PTK2: variants seen among roughly 807,000 people sequenced by gnomAD.
The protein encoded by PTK2 is focal adhesion kinase 1.
A neutral mutation model predicts 150.1 loss-of-function variants in PTK2; 45 were observed. That is an observed-to-expected ratio of 0.30 (90% CI 0.24 to 0.38). The LOEUF (loss-of-function observed/expected upper bound fraction) is 0.38, where lower values mean the gene tolerates loss of function less well. Among genes scored for constraint, PTK2 ranks in the 10% least tolerant of loss-of-function variants. The pLI, the probability that PTK2 is intolerant of heterozygous loss-of-function variation, is 1.00. For synonymous variants in PTK2, 432 were observed against 449.2 expected (o/e 0.96, Z 0.48); for missense variants, 919 against 1,307.3 (o/e 0.70, Z 4.58).
chr8:140,846,579 A>G lies in PTK2; in HGVS notation c.530+20T>C. On this transcript the variant is annotated intron_variant, in intron 6 of 31. Transcript: ENST00000522684. ...AAAAAATTGATAAATAAAGGCCGCA[A>G]TGTATAGTTATCATCTTACCGTATT... The G allele has an allele frequency of 1.3e-6, 2 of 1,548,316 alleles. No individual in the cohort carries two copies. The highest frequency in any genetic ancestry group is 1.8e-6 in the Non-Finnish European group (2 of 1,126,616).
intron 26 of PTK2, among the ~76,000 whole-genome samples, chr8:140,688,535 T>C (rs1458951258): frequency 1.3e-5 from 2 of 151,726 alleles, no homozygotes; most frequent in African/African-American, 4.8e-5. Context: ...GGCAACATAG[T>C]GAGAACTCAT....
chr8:140,946,677 C>T (rs1364191367), intron 1 of PTK2, among the ~76,000 whole-genome samples: 1 of 152,076 alleles, frequency 6.6e-6, no homozygotes, highest in African/African-American at 2.4e-5. Flanking sequence ...TTATGACTAC[C>T]CTATTTAGAC....
At chr8:140,949,569 C>G (rs537505401) in intron 1 of PTK2, among the ~76,000 whole-genome samples, 70 of 152,356 alleles carry the variant, frequency 4.6e-4, no homozygotes, top group African/African-American at 1.6e-3. Flanking sequence ...CTGTCACAAC[C>G]TGGCCGAGTA....
At chr8:140,699,745 T>C (rs151262303) in intron 26 of PTK2, among the ~76,000 whole-genome samples, 118 of 152,010 alleles carry the variant, frequency 7.8e-4, no homozygotes, top group African/African-American at 2.7e-3. Context: ...ATGACACTAC[T>C]AAAATTTTAG....
intron 2 of PTK2, among the ~76,000 whole-genome samples, chr8:140,902,924 G>GTTTTTTGTTTATTTTTTTTTTT (rs2100159140): frequency 1.7e-5 from 1 of 58,950 alleles, no homozygotes; most frequent in Non-Finnish European, 3.8e-5. Context: ...GATGAGAGTT[G>GTTTTTTGTTTATTTTTTTTTTT]TTTTTTTTTT....
At chr8:140,874,227 G>A (rs1434266464) in intron 4 of PTK2, among the ~76,000 whole-genome samples, 1 of 152,194 alleles carries the variant, frequency 6.6e-6, no homozygotes. Flanking sequence ...CTGCAAGCTA[G>A]CTTACCAAGC....
chr8:140,755,430 G>A (rs1211520902), intron 16 of PTK2, among the ~76,000 whole-genome samples: 5 of 151,914 alleles, frequency 3.3e-5, no homozygotes, highest in South Asian at 4.2e-4. Flanking sequence ...TCTACTCCGC[G>A]GCCACACCGT....
intron 26 of PTK2, among the ~76,000 whole-genome samples, chr8:140,694,311 G>A (rs911503843): frequency 1.3e-5 from 2 of 152,118 alleles, no homozygotes; most frequent in Admixed American, 6.5e-5. Context: ...AAAATGCTGG[G>A]ATTACAGGTG....
At chr8:140,841,059 C>A (rs372212999) in intron 7 of PTK2, among the ~76,000 whole-genome samples, 1 of 151,950 alleles carries the variant, frequency 6.6e-6, no homozygotes, top group African/African-American at 2.4e-5. Flanking sequence ...TAAATAAAAG[C>A]GCCTCAAAAT....
At chr8:140,719,611 G>A (rs1365843847) in intron 22 of PTK2, among the ~76,000 whole-genome samples, 1 of 152,168 alleles carries the variant, frequency 6.6e-6, no homozygotes, top group African/African-American at 2.4e-5. Context: ...GGGTATTTCT[G>A]ATGGCATTTA....
At chr8:140,679,077 T>C (rs1387109891) in intron 27 of PTK2, among the ~76,000 whole-genome samples, 1 of 127,326 alleles carries the variant, frequency 7.9e-6, no homozygotes, top group East Asian at 2.5e-4. Context: ...CAGGCTGGAG[T>C]GCAGTGGTGT....
At chr8:140,901,961 T>A (rs536024859) in intron 2 of PTK2, among the ~76,000 whole-genome samples, 2 of 152,232 alleles carry the variant, frequency 1.3e-5, no homozygotes, top group African/African-American at 4.8e-5. Context: ...TCCAGCTTCA[T>A]CCACGTCCCT....
At chr8:140,959,902 G>A (rs953644561) in intron 1 of PTK2, among the ~76,000 whole-genome samples, 5 of 151,276 alleles carry the variant, frequency 3.3e-5, no homozygotes, top group African/African-American at 4.9e-5. Flanking sequence ...TTTGGTCCTC[G>A]CTACTTGAAA....
chr8:140,951,388 G>A (rs1372744401), intron 1 of PTK2, among the ~76,000 whole-genome samples: 1 of 152,164 alleles, frequency 6.6e-6, no homozygotes, highest in African/African-American at 2.4e-5. Flanking sequence ...TGAAATAAGG[G>A]ACCTATATCT....
intron 8 of PTK2, among the ~76,000 whole-genome samples, chr8:140,820,076 GT>G (rs370537018): frequency 0.011 from 544 of 50,236 alleles, 20 homozygotes; most frequent in Non-Finnish European, 0.019. Context: ...TCTGACTTTG[GT>G]TTTTTTTTTT....
intron 20 of PTK2, among the ~76,000 whole-genome samples, chr8:140,741,226 C>T (rs1037482907): frequency 7.3e-5 from 11 of 151,602 alleles, no homozygotes; most frequent in African/African-American, 2.2e-4. Flanking sequence ...CTGAGGTGGG[C>T]GGATCATGAG....
intron 2 of PTK2, among the ~76,000 whole-genome samples, chr8:140,911,345 T>C (rs1267081332): frequency 2.0e-5 from 3 of 152,218 alleles, no homozygotes; most frequent in Admixed American, 6.5e-5. Context: ...CAGGAAACCA[T>C]GTTTTAAATC....
At chr8:140,704,719 T>C (rs1323441705) in intron 24 of PTK2, among the ~76,000 whole-genome samples, 2 of 152,158 alleles carry the variant, frequency 1.3e-5, no homozygotes, top group African/African-American at 4.8e-5. Context: ...TGGGGTTTCT[T>C]TCTTTAGGCC....
chr8:141,001,363 G>T (rs1589434595), upstream of PTK2: 1 of 150,000 alleles, frequency 6.7e-6, no homozygotes, highest in Admixed American at 6.6e-5. Flanking sequence ...CGCCCGACCC[G>T]GTCTCAGTCC....
Sources: gnomAD v4.1 joint callset for allele counts (sites outside exome capture counted in the v4.1 genomes callset) on GRCh38, gnomAD v4.1.1 for gene constraint, MANE v1.5 for transcripts, NCBI Gene and HGNC (gene_info 2026-07-23, HGNC 2026-07-21) for gene names.